ETV6: variants seen among roughly 807,000 people sequenced by gnomAD.
ETV6 encodes the protein ETS variant transcription factor 6, also known as transcription factor ETV6.
A neutral mutation model predicts 51.1 loss-of-function variants in ETV6; 16 were observed. The ratio of observed to expected loss-of-function variants is 0.31; its 90% CI spans 0.21 to 0.48. ETV6 has a LOEUF of 0.48. Ranked by LOEUF, ETV6 falls within the 20% of genes least tolerant of loss-of-function variation. The pLI is 0.99. For missense variants in ETV6, 458 were observed against 594.8 expected (o/e 0.77, Z 2.39); for synonymous variants, 240 against 224.1 (o/e 1.07, Z -0.64).
At chr12:11,703,720 C>G (rs1371157199) in intron 1 of ETV6, among the ~76,000 whole-genome samples, 1 of 152,178 alleles carries the variant, frequency 6.6e-6, no homozygotes, top group African/African-American at 2.4e-5. Flanking sequence ...TACCCATTAG[C>G]AGATGTGGAG....
At chr12:11,692,532 C>T (rs1864787553) in intron 1 of ETV6, among the ~76,000 whole-genome samples, 1 of 152,120 alleles carries the variant, frequency 6.6e-6, no homozygotes, top group African/African-American at 2.4e-5. Flanking sequence ...CAGTTAATGC[C>T]TGTTGACTTC....
intron 2 of ETV6, among the ~76,000 whole-genome samples, chr12:11,773,555 T>C (rs987101213): frequency 2.0e-5 from 3 of 152,226 alleles, no homozygotes; most frequent in African/African-American, 7.2e-5. Context: ...TTTATTCTGC[T>C]TATAAGGAAG....
intron 1 of ETV6, among the ~76,000 whole-genome samples, chr12:11,735,036 C>T (rs1443494046): frequency 7.1e-6 from 1 of 140,566 alleles, no homozygotes; most frequent in Non-Finnish European, 1.5e-5. Context: ...GGCAAAATGT[C>T]TTCGTAATTT....
At chr12:11,789,578 T>C (rs772895821) in intron 2 of ETV6, among the ~76,000 whole-genome samples, 1 of 152,204 alleles carries the variant, frequency 6.6e-6, no homozygotes, top group African/African-American at 2.4e-5. Context: ...AATAGCTTCC[T>C]GAGAAAGGGT....
intron 1 of ETV6, among the ~76,000 whole-genome samples, chr12:11,688,317 A>G (rs114863424): frequency 0.02 from 3,082 of 152,306 alleles, 69 homozygotes; most frequent in East Asian, 0.093. Context: ...CCTGATCCAG[A>G]AAGTAGTGGG....
intron 2 of ETV6, among the ~76,000 whole-genome samples, chr12:11,791,645 A>G (rs1945595092): frequency 6.6e-6 from 1 of 152,250 alleles, no homozygotes. Context: ...GAATCTGGAT[A>G]GAACCCAGAT....
intron 1 of ETV6, among the ~76,000 whole-genome samples, chr12:11,739,261 GAAGGAA>G (rs1271235920): frequency 6.6e-6 from 1 of 152,106 alleles, no homozygotes; most frequent in African/African-American, 2.4e-5. Flanking sequence ...TTGGGGAAAA[GAAGGAA>G]AAGGAACAGG....
In ETV6 at chr12:11,892,900, C is replaced by T. The variant is rs1054729791; in HGVS notation, c.*1854C>T. ...GAATTGAGGAGCTGATCAAGGCTCT[C>T]TTCAGCCTTGCTCTGTCCCTGCCTC... On this transcript the variant is annotated 3_prime_UTR_variant, in exon 8 of 8. Coordinates refer to ENST00000396373, the MANE Select transcript of ETV6 (RefSeq NM_001987.5). 1 of 233,198 alleles carries T rather than the reference C, an allele frequency of 4.3e-6. No homozygotes were observed. Among genetic ancestry groups the T allele is most frequent in the Non-Finnish European group, 8.5e-6 (1 of 118,022 alleles). 14.4% of individuals were successfully genotyped at this position (233,198 alleles called of 1,614,324 possible).
Position 11,687,434 on chromosome 12 carries a change from G to T in ETV6, c.33+37274G>T, listed in dbSNP as rs11054416. Among the ~76,000 whole-genome samples the T allele has an allele frequency of 3.3e-5, 5 of 151,826 alleles. 1 individual carries two copies. The highest frequency in any genetic ancestry group is 6.8e-3 in the Middle Eastern group (2 of 294). ...TGAATTCAGATGATCCACCCGCGTC[G>T]GCCTCCCAAAGTGCCGACATTACAG... On this transcript the variant is annotated intron_variant, in intron 1 of 7. Transcript: ENST00000396373.
At chr12:11,830,032 G>A (rs1946218800) in intron 2 of ETV6, among the ~76,000 whole-genome samples, 2 of 152,152 alleles carry the variant, frequency 1.3e-5, no homozygotes. Context: ...CAGGCCGGTG[G>A]GGAAGGGAAA....
chr12:11,793,360 T>A (rs1046501252), intron 2 of ETV6, among the ~76,000 whole-genome samples: 28 of 152,244 alleles, frequency 1.8e-4, no homozygotes, highest in African/African-American at 6.8e-4. Context: ...TTAACCATGT[T>A]GCTGTATTGC....
intron 1 of ETV6, among the ~76,000 whole-genome samples, chr12:11,738,712 A>C (rs1865755643): frequency 6.6e-6 from 1 of 152,152 alleles, no homozygotes; most frequent in African/African-American, 2.4e-5. Context: ...CGAGTCAGGT[A>C]TTTCACTTTG....
At chr12:11,678,648 A>G (rs1346447894) in intron 1 of ETV6, among the ~76,000 whole-genome samples, 1 of 152,180 alleles carries the variant, frequency 6.6e-6, no homozygotes, top group African/African-American at 2.4e-5. Context: ...TAATGTATTT[A>G]TTTATTATGA....
chr12:11,703,609 T>A (rs906677154), intron 1 of ETV6, among the ~76,000 whole-genome samples: 2 of 152,208 alleles, frequency 1.3e-5, no homozygotes, highest in African/African-American at 4.8e-5. Flanking sequence ...ACTCAGTTAT[T>A]TTTTATTTCC....
intron 2 of ETV6, among the ~76,000 whole-genome samples, chr12:11,816,778 G>A (rs911389123): frequency 1.3e-5 from 2 of 152,182 alleles, no homozygotes; most frequent in Non-Finnish European, 2.9e-5. Context: ...TAGAAAGGGT[G>A]GGAGGGAGGT....
At chr12:11,739,459 A>G (rs943937675) in intron 1 of ETV6, among the ~76,000 whole-genome samples, 4 of 152,172 alleles carry the variant, frequency 2.6e-5, no homozygotes, top group Admixed American at 2.0e-4. Context: ...AATTTATTCA[A>G]TTTTAATTAA....
intron 1 of ETV6, among the ~76,000 whole-genome samples, chr12:11,724,146 G>A (rs1274092120): frequency 1.3e-5 from 2 of 152,196 alleles, no homozygotes; most frequent in Non-Finnish European, 1.5e-5. Context: ...CTAAGGGATC[G>A]TAAGCAGGTC....
chr12:11,738,916 G>T (rs1005495552), intron 1 of ETV6, among the ~76,000 whole-genome samples: 1 of 152,094 alleles, frequency 6.6e-6, no homozygotes, highest in Non-Finnish European at 1.5e-5. Flanking sequence ...AGGTGTCTCC[G>T]AAGTGTTATG....
chr12:11,654,600 G>A (rs566590451), intron 1 of ETV6, among the ~76,000 whole-genome samples: 1 of 126,626 alleles, frequency 7.9e-6, no homozygotes, highest in African/African-American at 2.5e-5. Context: ...GGTATGTGGG[G>A]GTAGAAATGG....
Sources: allele counts gnomAD v4.1 joint callset (sites outside exome capture counted in the v4.1 genomes callset), GRCh38; gene constraint gnomAD v4.1.1; transcripts MANE v1.5; gene names NCBI Gene and HGNC (gene_info 2026-07-23, HGNC 2026-07-21).